Variants in DDX5 observed in about 807,000 individuals in gnomAD.
DDX5 encodes probable ATP-dependent RNA helicase DDX5.
A neutral mutation model predicts 68.6 loss-of-function variants in DDX5; 6 were observed. The ratio of observed to expected loss-of-function variants is 0.09; its 90% CI spans 0.05 to 0.17. The LOEUF (loss-of-function observed/expected upper bound fraction) is 0.17, where lower values mean the gene tolerates loss of function less well. Among genes scored for constraint, DDX5 ranks in the 10% least tolerant of loss-of-function variants. The pLI is 1.00. For synonymous variants in DDX5, 350 were observed against 247.0 expected, an observed-to-expected ratio of 1.42 and a Z score of -3.91; for missense variants, 499 against 756.1, an observed-to-expected ratio of 0.66 and a Z score of 3.99.
chr17:64,504,353 G>T, intron 2 of DDX5, 35 bp from the exon 3 acceptor site: 1 of 1,547,282 alleles, frequency 6.5e-7, no homozygotes, highest in South Asian at 1.1e-5. Context: ...TAAAATTCAT[G>T]ACAACCACCC....
rs782439662 is a variant in DDX5, at chr17:64,502,106, G to A, written c.1157-37C>T. The A allele has an allele frequency of 6.2e-6, 10 of 1,613,392 alleles. No individual in the cohort carries two copies. In the African/African-American group the frequency reaches 8.0e-5, roughly 13 times the overall value. ...GGCATATACATGATCAATTATCTGA[G>A]CAGAATTCTAGCTAGGTTAAGTAAG... On this transcript the variant is annotated intron_variant, in intron 10 of 12. Coordinates refer to ENST00000225792, the MANE Select transcript of DDX5 (RefSeq NM_004396.5).
chr17:64,504,166 G>C (rs782798910), intron 3 of DDX5, 50 bp from the exon 4 acceptor site: 18 of 1,612,682 alleles, frequency 1.1e-5, no homozygotes, highest in African/African-American at 8.0e-5. Context: ...CCAAGAAAAA[G>C]AGGGGGTAGG....
chr17:64,499,193 A>G lies in DDX5; in HGVS notation c.*730T>C, dbSNP rs782390751. On this transcript the variant is annotated 3_prime_UTR_variant, in exon 13 of 13. Transcript: ENST00000225792. ...TCACAGTATAGCCAAGAGCATGAGT[A>G]TAAGTCTCTTGAAAAAGCCAGTTAT... Among the ~76,000 whole-genome samples, 13 of 151,750 alleles carry G rather than the reference A, an allele frequency of 8.6e-5. No homozygotes were observed. The highest frequency in any genetic ancestry group is 2.6e-4 in the Admixed American group (4 of 15,246).
intron 1 of DDX5, chr17:64,505,538 C>G (rs2038451194): frequency 3.2e-6 from 2 of 620,268 alleles, no homozygotes; most frequent in Admixed American, 2.8e-5. Context: ...GCCACATTTT[C>G]TCGACGCTGC....
upstream of DDX5, chr17:64,506,619 C>G: frequency 5.1e-6 from 2 of 389,274 alleles, no homozygotes; most frequent in Non-Finnish European, 4.8e-6. Flanking sequence ...AAAGAGCCCT[C>G]ACGTCTGTAA....
chr17:64,499,798 A>AT lies in DDX5; in HGVS notation c.*124dup. The AT allele has an allele frequency of 1.1e-6, 1 of 880,786 alleles. No homozygotes were observed. The highest frequency in any genetic ancestry group is 1.7e-5 in the African/African-American group (1 of 59,316). 54.6% of individuals were successfully genotyped at this position (880,786 alleles called of 1,614,324 possible). ...AACTTAAATAGCGAAAAAGTGCACCATAATTACTGCTGCACTGCAGTCATT... is the reference window on the plus strand; with the variant it reads ...AACTTAAATAGCGAAAAAGTGCACCATTAATTACTGCTGCACTGCAGTCATT... On this transcript the variant is annotated 3_prime_UTR_variant, in exon 13 of 13. Transcript: ENST00000225792.
intron 8 of DDX5, 126 bp from the exon 9 acceptor site, chr17:64,502,675 C>CTA: frequency 5.2e-6 from 4 of 770,736 alleles, no homozygotes; most frequent in Non-Finnish European, 8.3e-6. Flanking sequence ...GAAACGCCTG[C>CTA]TAATCCACTT....
chr17:64,504,382 G>T, intron 2 of DDX5, 64 bp from the exon 3 acceptor site: 1 of 1,371,684 alleles, frequency 7.3e-7, no homozygotes, highest in South Asian at 1.2e-5. Context: ...ATACGTAATT[G>T]ATAAGCCCCT....
chr17:64,506,660 T>C (rs929422703), upstream of DDX5: 8 of 363,390 alleles, frequency 2.2e-5, no homozygotes, highest in East Asian at 3.6e-4. Flanking sequence ...GGCCTGGCGT[T>C]GTCACGTGGC....
In DDX5 at chr17:64,503,815, G is replaced by A. The variant is rs79187435; in HGVS notation, c.495C>T (p.Gly165=). 67 of 1,614,092 alleles carry A rather than the reference G, an allele frequency of 4.2e-5. No individual in the cohort carries two copies. In the African/African-American group the frequency reaches 5.1e-4, roughly 12 times the overall value. ...HINHQPFLER[G]DGPICLVLAP... ...AATATATACTTACAATAGGCCCATC[G>A]CCTCTCTCTAGGAATGGCTGATGAT... Residue 165 remains glycine (G), a synonymous_variant, in exon 5 of 13, where the codon GGC becomes GGT. Coordinates refer to ENST00000225792, the MANE Select transcript of DDX5 (RefSeq NM_004396.5).
At chr17:64,506,476 C>T, upstream of DDX5, 1 of 1,096,436 alleles carries the variant, frequency 9.1e-7, no homozygotes. Context: ...GGCCCACCCA[C>T]CATTGGAATG....
At chr17:64,505,412 A>G (rs1568107821) in intron 1 of DDX5, 2 of 526,520 alleles carry the variant, frequency 3.8e-6, no homozygotes, top group Non-Finnish European at 6.8e-6. Flanking sequence ...AACGCAGGAA[A>G]AAAGAAAAGG....
chr17:64,500,909 A>G, intron 11 of DDX5, 136 bp from the exon 12 acceptor site: 1 of 649,924 alleles, frequency 1.5e-6, no homozygotes, highest in Non-Finnish European at 2.7e-6. Context: ...TAAAATGGTT[A>G]TCCATTTCCT....
Position 64,504,271 on chromosome 17 carries a change from A to T in DDX5, c.258T>A (p.Gly86=). The T allele has an allele frequency of 6.2e-7, 1 of 1,614,100 alleles. No homozygotes were observed. Among genetic ancestry groups the T allele is most frequent in the Non-Finnish European group, 8.5e-7 (1 of 1,180,022 alleles). ...YRRSKEITVR[G]HNCPKPVLNF... ...TTAGAACTGGCTTCGGGCAGTTGTG[A>T]CCTCTAACTGTAATTTCCTTGCTTC... is the stretch of plus-strand genomic sequence containing the variant. The change falls in exon 3 of 13, where the codon GGT becomes GGA. Residue 86 remains glycine, a synonymous_variant. Transcript: ENST00000225792.
chr17:64,504,025 A>G lies in DDX5; in HGVS notation c.399T>C (p.Asp133=), dbSNP rs1555671618. ...QGWPVALSGL[D]MVGVAQTGSG... ...ATCCAGTCTGTGCCACTCCAACCAT[A>G]TCCAATCCACTTAGAGCAACTGGCC... Residue 133 remains aspartate, a synonymous_variant, in exon 4 of 13, where the codon GAT becomes GAC. Coordinates refer to ENST00000225792, the MANE Select transcript of DDX5 (RefSeq NM_004396.5). 2 of 1,614,110 alleles carry G rather than the reference A, an allele frequency of 1.2e-6. No homozygotes were observed. The highest frequency in any genetic ancestry group is 4.5e-5 in the East Asian group (2 of 44,900).
chr17:64,506,419 A>G (rs2144294109), upstream of DDX5: 1 of 1,380,394 alleles, frequency 7.2e-7, no homozygotes, highest in East Asian at 2.8e-5. Flanking sequence ...CTGGCGTTCC[A>G]GGATCGCCGC....
In DDX5 at chr17:64,499,777, T is replaced by TA; in HGVS notation, c.*145dup. On this transcript the variant is annotated 3_prime_UTR_variant, in exon 13 of 13. Transcript: ENST00000225792. ...CAGGAATGTAGAGAAATATCCAACT[T>TA]AAATAGCGAAAAAGTGCACCATAAT... 1.4e-6 allele frequency: 1 copy of TA among 727,348 alleles called. No individual in the cohort carries two copies. Among genetic ancestry groups the TA allele is most frequent in the East Asian group, 2.9e-5 (1 of 34,408 alleles). 45.1% of individuals were successfully genotyped at this position (727,348 alleles called of 1,614,324 possible).
Position 64,502,983 on chromosome 17 carries a change from G to A in DDX5, c.926C>T (p.Ala309Val). ...HINIGALELS[A>V]NHNILQIVDV... Reference sequence around the variant, plus strand: ...CACAATCTGAAGAATGTTGTGGTTTGCACTCAGTTCAAGTGCACCAATGTT... The same window carrying A: ...CACAATCTGAAGAATGTTGTGGTTTACACTCAGTTCAAGTGCACCAATGTT... The change falls in exon 8 of 13, where the codon GCA (alanine) becomes GTA (valine). Residue 309 changes from alanine to valine, a missense_variant. By Grantham distance (64) the Ala-to-Val change is moderately conservative. This residue lies in a region of DDX5 where 141 missense variants were observed against 279.8 expected (regional missense o/e 0.50). Coordinates refer to ENST00000225792, the MANE Select transcript of DDX5 (RefSeq NM_004396.5). 1 of 1,613,394 alleles carries A rather than the reference G, an allele frequency of 6.2e-7. No individual in the cohort carries two copies. The highest frequency in any genetic ancestry group is 8.5e-7 in the Non-Finnish European group (1 of 1,179,656).
At position 64,504,323 on chromosome 17, in the gene DDX5, A is replaced by G. The variant is rs201949611; in HGVS notation, c.211-5T>C. On this transcript the variant is annotated splice_polypyrimidine_tract_variant and splice_region_variant and intron_variant, in intron 2 of 12. Transcript: ENST00000225792. The stretch of plus-strand genomic sequence containing the variant: ...TCTGTATGTTTCCACCTCTTGCTGC[A>G]AAACAAATTATAACAGTCTTAAAAT... 25 of 1,611,746 alleles carry G rather than the reference A, an allele frequency of 1.6e-5. No homozygotes were observed. The highest frequency in any genetic ancestry group is 2.0e-5 in the Non-Finnish European group (24 of 1,178,254).
Sources: allele counts gnomAD v4.1 joint callset (sites outside exome capture counted in the v4.1 genomes callset), GRCh38; gene constraint gnomAD v4.1.1; regional missense constraint gnomAD v4.1.1; transcripts MANE v1.5; gene names NCBI Gene and HGNC (gene_info 2026-07-23, HGNC 2026-07-21).